The following TDRP variants were observed in gnomAD, a reference collection of about 807,000 sequenced individuals.
The protein encoded by TDRP is testis development-related protein.
TDRP carries 12 observed loss-of-function variants against 10.5 expected under a neutral mutation model. That is an observed-to-expected ratio of 1.15 (90% CI 0.73 to 1.86). The LOEUF is 1.86. Among genes scored for constraint, TDRP ranks in the 40% most tolerant of loss-of-function variants. The pLI is 0.00. For missense variants in TDRP, 353 were observed against 229.2 expected, an observed-to-expected ratio of 1.54 and a Z score of -3.49; for synonymous variants, 139 against 95.4, an observed-to-expected ratio of 1.46 and a Z score of -2.67.
chr8:530,863 G>A (rs898288169), intron 1 of TDRP, among the ~76,000 whole-genome samples: 2 of 152,164 alleles, frequency 1.3e-5, no homozygotes, highest in East Asian at 1.9e-4. Flanking sequence ...CAAGGGATAA[G>A]CCAAGAACCA....
intron 1 of TDRP, among the ~76,000 whole-genome samples, chr8:503,461 A>G (rs1320491754): frequency 5.3e-5 from 8 of 151,484 alleles, no homozygotes; most frequent in Admixed American, 5.3e-4. Context: ...GCACGCACCA[A>G]CACGGAATCT....
chr8:533,589 C>A (rs1231836904), intron 1 of TDRP, among the ~76,000 whole-genome samples: 2 of 152,168 alleles, frequency 1.3e-5, no homozygotes, highest in African/African-American at 4.8e-5. Flanking sequence ...TGCCCCCAAC[C>A]CCTCCTCCTT....
At chr8:530,105 C>T (rs1014825174) in intron 1 of TDRP, among the ~76,000 whole-genome samples, 2 of 151,944 alleles carry the variant, frequency 1.3e-5, no homozygotes, top group Non-Finnish European at 2.9e-5. Context: ...TTGAGTTTGA[C>T]GATTCTTCTG....
At chr8:496,741 C>A (rs1801147424) in intron 1 of TDRP, among the ~76,000 whole-genome samples, 1 of 152,200 alleles carries the variant, frequency 6.6e-6, no homozygotes, top group Admixed American at 6.5e-5. Flanking sequence ...CCACACAAGT[C>A]TCAAGTCAAA....
In TDRP at chr8:492,751, G is replaced by C. The variant is rs144018190; in HGVS notation, c.213-7C>G. 3.8e-6 allele frequency: 6 copies of C among 1,585,540 alleles called. No homozygotes were observed. Among genetic ancestry groups the C allele is most frequent in the Non-Finnish European group, 5.2e-6 (6 of 1,163,870 alleles). ...TTTTAATCGTAAGTTAGTTCTATAGGAGATGAAAGAGTTAGGTGTTGGTGA... is the reference window on the plus strand; with the variant it reads ...TTTTAATCGTAAGTTAGTTCTATAGCAGATGAAAGAGTTAGGTGTTGGTGA... On this transcript the variant is annotated splice_region_variant and splice_polypyrimidine_tract_variant and intron_variant, in intron 2 of 2. Coordinates refer to ENST00000324079, the MANE Select transcript of TDRP (RefSeq NM_001384899.1).
At chr8:499,528 C>T (rs1197858457) in intron 1 of TDRP, among the ~76,000 whole-genome samples, 1 of 152,166 alleles carries the variant, frequency 6.6e-6, no homozygotes, top group Non-Finnish European at 1.5e-5. Context: ...CTAACATGCA[C>T]CTCCATGGAG....
intron 1 of TDRP, among the ~76,000 whole-genome samples, chr8:531,395 G>C (rs1308669045): frequency 6.6e-6 from 1 of 152,090 alleles, no homozygotes; most frequent in Non-Finnish European, 1.5e-5. Flanking sequence ...TGGTGAATTG[G>C]GCACCCGTTG....
Position 490,369 on chromosome 8 carries a change from C to T in TDRP, c.*2030G>A, listed in dbSNP as rs1800934282. On this transcript the variant is annotated 3_prime_UTR_variant, in exon 3 of 3. Coordinates refer to ENST00000324079, the MANE Select transcript of TDRP (RefSeq NM_001384899.1). ...AAATTTTGAGAAATAGCATAAAGAA[C>T]TATTTTGCCAACTGTGCGTCACAAT... is the stretch of plus-strand genomic sequence containing the variant. 6.6e-6 allele frequency: 1 copy of T among 152,172 alleles called. No homozygotes were observed. The highest frequency in any genetic ancestry group is 1.5e-5 in the Non-Finnish European group (1 of 68,038). 9.4% of individuals were successfully genotyped at this position (152,172 alleles called of 1,614,324 possible).
intron 1 of TDRP, among the ~76,000 whole-genome samples, chr8:520,361 A>C (rs549915365): frequency 1.6e-4 from 24 of 152,326 alleles, no homozygotes; most frequent in East Asian, 7.7e-4. Flanking sequence ...CCATCCACAG[A>C]CATGGAGGCT....
At chr8:503,232 A>C (rs1216031173) in intron 1 of TDRP, among the ~76,000 whole-genome samples, 1 of 151,344 alleles carries the variant, frequency 6.6e-6, no homozygotes, top group Non-Finnish European at 1.5e-5. Flanking sequence ...AGCAATGCCC[A>C]CCTCAGCACA....
At chr8:518,625 C>T (rs1237930660) in intron 1 of TDRP, among the ~76,000 whole-genome samples, 1 of 88,376 alleles carries the variant, frequency 1.1e-5, no homozygotes, top group Non-Finnish European at 2.9e-5. Context: ...AGCAAAGTAA[C>T]TTCGACCAGT....
At chr8:496,579 G>A (rs1279197127) in intron 1 of TDRP, among the ~76,000 whole-genome samples, 1 of 152,136 alleles carries the variant, frequency 6.6e-6, no homozygotes. Context: ...CCATTCCCAG[G>A]CCTGCTGTGT....
At chr8:511,901 G>C (rs971499855) in intron 1 of TDRP, among the ~76,000 whole-genome samples, 1 of 151,922 alleles carries the variant, frequency 6.6e-6, no homozygotes, top group Non-Finnish European at 1.5e-5. Context: ...AAAAAACATG[G>C]GATTCAGTTA....
chr8:539,131 G>A (rs938898457), intron 1 of TDRP, among the ~76,000 whole-genome samples: 2 of 152,196 alleles, frequency 1.3e-5, no homozygotes, highest in Non-Finnish European at 2.9e-5. Flanking sequence ...CAATTGCTGT[G>A]GACTGAATGT....
chr8:493,367 G>C (rs984618886), intron 2 of TDRP, among the ~76,000 whole-genome samples: 7 of 152,228 alleles, frequency 4.6e-5, no homozygotes, highest in Admixed American at 2.0e-4. Flanking sequence ...GTATTAGCAG[G>C]TCGCCTGACA....
At chr8:532,567 T>C (rs1433319603) in intron 1 of TDRP, among the ~76,000 whole-genome samples, 2 of 152,222 alleles carry the variant, frequency 1.3e-5, no homozygotes, top group African/African-American at 4.8e-5. Flanking sequence ...AGACCATTTA[T>C]GCAAAAGCGC....
intron 1 of TDRP, among the ~76,000 whole-genome samples, chr8:516,726 A>C (rs1388643015): frequency 1.3e-5 from 2 of 152,192 alleles, no homozygotes; most frequent in African/African-American, 4.8e-5. Flanking sequence ...CTCACCATGC[A>C]AGCCGGCAAT....
intron 1 of TDRP, among the ~76,000 whole-genome samples, chr8:536,838 G>C (rs73670315): frequency 0.02 from 3,046 of 152,194 alleles, 115 homozygotes; most frequent in African/African-American, 0.069. Flanking sequence ...AATAAGCAGC[G>C]CCCAGGATCC....
chr8:538,130 A>C (rs1408557256), intron 1 of TDRP, among the ~76,000 whole-genome samples: 2 of 152,240 alleles, frequency 1.3e-5, no homozygotes, highest in South Asian at 2.1e-4. Flanking sequence ...GGTTTGGTTC[A>C]GCTCCCAACA....
Sources: allele counts gnomAD v4.1 joint callset (sites outside exome capture counted in the v4.1 genomes callset), GRCh38; gene constraint gnomAD v4.1.1; transcripts MANE v1.5; gene names NCBI Gene and HGNC (gene_info 2026-07-23, HGNC 2026-07-21).